MAP1B: variants seen among roughly 807,000 people sequenced by gnomAD.
MAP1B encodes the protein microtubule associated protein 1B.
In MAP1B, 12 loss-of-function variants were observed where a neutral mutation model predicts 176.1. That is an observed-to-expected ratio of 0.07 (90% CI 0.04 to 0.11). MAP1B has a LOEUF of 0.11. Among genes scored for constraint, MAP1B ranks in the 10% least tolerant of loss-of-function variants. The probability of loss-of-function intolerance (pLI) is 1.00; values close to 1 mark genes in which losing one functional copy is unlikely to be tolerated. For synonymous variants in MAP1B, 1,044 were observed against 1,135.0 expected (o/e 0.92, Z 1.61); for missense variants, 2,523 against 2,990.5 (o/e 0.84, Z 3.65).
intron 2 of MAP1B, among the ~76,000 whole-genome samples, chr5:72,178,267 TC>T (rs1163702760): frequency 2.0e-5 from 3 of 152,150 alleles, no homozygotes; most frequent in African/African-American, 7.2e-5. Context: ...CCTCCCAAAG[TC>T]CTGGGATTAC....
Position 72,207,677 on chromosome 5 carries a change from T to C in MAP1B, c.*2438T>C, listed in dbSNP as rs1747480746. On this transcript the variant is annotated 3_prime_UTR_variant, in exon 7 of 7. Transcript: ENST00000296755. ...ACTCATCTACTTCAAATTTATTTTATAACACAACCTAAGATACTCAAGATA... is the reference window on the plus strand; with the variant it reads ...ACTCATCTACTTCAAATTTATTTTACAACACAACCTAAGATACTCAAGATA... 6.6e-6 allele frequency: 1 copy of C among 152,172 alleles called. No individual in the cohort carries two copies. The highest frequency in any genetic ancestry group is 2.1e-4 in the South Asian group (1 of 4,834). 9.4% of individuals were successfully genotyped at this position (152,172 alleles called of 1,614,324 possible).
intron 2 of MAP1B, chr5:72,179,773 T>C: frequency 1.0e-6 from 1 of 985,482 alleles, no homozygotes; most frequent in African/African-American, 1.7e-5. Context: ...AAGGCTTTTG[T>C]TGAAGGAGCA....
intron 2 of MAP1B, among the ~76,000 whole-genome samples, chr5:72,127,137 A>G (rs1745644901): frequency 6.6e-6 from 1 of 152,246 alleles, no homozygotes; most frequent in Non-Finnish European, 1.5e-5. Context: ...GAAGGTGTTA[A>G]AAGTCCCAGG....
intron 2 of MAP1B, among the ~76,000 whole-genome samples, chr5:72,130,383 T>C (rs1745707000): frequency 6.6e-6 from 1 of 152,202 alleles, no homozygotes; most frequent in Admixed American, 6.5e-5. Context: ...TGGCCCTTGA[T>C]AAAGAGCCTT....
At chr5:72,123,053 G>A (rs1375638044) in intron 2 of MAP1B, among the ~76,000 whole-genome samples, 1 of 152,126 alleles carries the variant, frequency 6.6e-6, no homozygotes, top group Non-Finnish European at 1.5e-5. Flanking sequence ...GGGGCAGTTT[G>A]TTCAGCACCT....
rs778017743 is a variant in MAP1B, at chr5:72,195,596, T to G, written c.2241T>G (p.Ser747=). 235 of 1,614,034 alleles carry G rather than the reference T, an allele frequency of 1.5e-4. No homozygotes were observed. Among genetic ancestry groups the G allele is most frequent in the Non-Finnish European group, 1.9e-4 (223 of 1,180,036 alleles). ...KDAKKSSTPL[S]EAKKPAALKP... is the part of the protein sequence containing the mutation. ...CAAAGAAATCATCTACTCCTCTGTC[T>G]GAAGCAAAAAAACCAGCTGCTTTAA... Residue 747 remains serine (S), a synonymous_variant, in exon 5 of 7, where the codon TCT becomes TCG. Transcript: ENST00000296755.
rs35796057 is a variant in MAP1B at position 72,196,239 on chromosome 5, G to A, written c.2884G>A (p.Val962Ile). The A allele has an allele frequency of 5.6e-4, 903 of 1,613,844 alleles. 4 individuals are homozygous for A. The African/African-American group carries it at 9.4e-3, about 17-fold the overall frequency. Residue 962 changes from valine to isoleucine, a missense_variant, in exon 5 of 7, where the codon GTA becomes ATA. By Grantham distance (29) the Val-to-Ile change is conservative. This residue lies in a region of MAP1B where 1,925 missense variants were observed against 2,126.0 expected (regional missense o/e 0.91). Transcript: ENST00000296755. This position sits in a 1 kb window ranked among gnomAD's most constrained non-coding sequence, Gnocchi z 5.3. ...GCCAGAAGAGGATGGGGAGGAACAC[G>A]TATGTGTGAGCGCCTCCAAGCACAG... ...EEPEEDGEEH[V>I]CVSASKHSPT...
chr5:72,195,430 A>T lies in MAP1B; in HGVS notation c.2075A>T (p.Glu692Val). ...GTCAAAAAAGAGATCAAGAAAGAAG[A>T]GAAAAAAGAACCCAAGAAAGAGGTT... ...KEVKKEIKKEEKKEPKKEVKK... is the reference protein window; with the variant it reads ...KEVKKEIKKEVKKEPKKEVKK... Residue 692 changes from glutamate to valine, a missense_variant, in exon 5 of 7, where the codon GAG becomes GTG. By Grantham distance (121) the Glu-to-Val change is moderately radical. Transcript: ENST00000296755. 6.4e-7 allele frequency: 1 copy of T among 1,566,150 alleles called. No homozygotes were observed. The highest frequency in any genetic ancestry group is 8.6e-7 in the Non-Finnish European group (1 of 1,159,200).
intron 2 of MAP1B, among the ~76,000 whole-genome samples, chr5:72,126,733 T>C (rs1745639783): frequency 1.3e-5 from 2 of 152,238 alleles, no homozygotes; most frequent in Admixed American, 1.3e-4. Context: ...AAGAATTTCA[T>C]TTAGAAAAAA....
At chr5:72,168,938 C>T (rs1435291857) in intron 2 of MAP1B, among the ~76,000 whole-genome samples, 1 of 152,174 alleles carries the variant, frequency 6.6e-6, no homozygotes, top group Admixed American at 6.5e-5. Flanking sequence ...TGGTTTACTA[C>T]ATCACATTTT....
intron 2 of MAP1B, among the ~76,000 whole-genome samples, chr5:72,169,788 T>C (rs1215277916): frequency 1.3e-5 from 2 of 152,212 alleles, no homozygotes; most frequent in African/African-American, 2.4e-5. Flanking sequence ...AAATACTATG[T>C]ACATCCTCTA....
Position 72,194,645 on chromosome 5 carries a change from C to A in MAP1B, c.1290C>A (p.Ser430Arg). Reference protein sequence around the residue: ...LEMYVLNPVKSSKEMQYFMQQ... With the variant: ...LEMYVLNPVKRSKEMQYFMQQ... ...TGTATGTGCTTAATCCAGTCAAGAG[C>A]AGCAAGGAAATGCAGTATTTTATGC... The change falls in exon 5 of 7, where the codon AGC (serine) becomes AGA (arginine). Residue 430 changes from serine (S) to arginine (R), a missense_variant. Physicochemically the swap from Ser to Arg is moderately radical, Grantham distance 110. Coordinates refer to ENST00000296755, the MANE Select transcript of MAP1B (RefSeq NM_005909.5). The surrounding 1 kb of genome is among the most constrained non-coding windows in gnomAD (Gnocchi z 7.2). 6.2e-7 allele frequency: 1 copy of A among 1,614,128 alleles called. No individual in the cohort carries two copies. Among genetic ancestry groups the A allele is most frequent in the East Asian group, 2.2e-5 (1 of 44,884 alleles).
At chr5:72,187,547 G>A (rs988398190) in intron 4 of MAP1B, among the ~76,000 whole-genome samples, 6 of 152,156 alleles carry the variant, frequency 3.9e-5, no homozygotes, top group African/African-American at 1.4e-4. Context: ...GGGCCTGCCT[G>A]TGGCCGATAG....
intron 2 of MAP1B, among the ~76,000 whole-genome samples, chr5:72,143,859 T>A (rs1258025607): frequency 6.6e-6 from 1 of 151,870 alleles, no homozygotes; most frequent in African/African-American, 2.4e-5. Context: ...GCTAATTTAT[T>A]TATTTTTTTT....
intron 2 of MAP1B, among the ~76,000 whole-genome samples, chr5:72,159,665 C>T (rs1746293961): frequency 1.3e-5 from 2 of 152,100 alleles, no homozygotes; most frequent in East Asian, 1.9e-4. Context: ...AAAACATTGG[C>T]GTTGATAGAT....
chr5:72,182,270 C>G (rs1459957158), intron 2 of MAP1B, among the ~76,000 whole-genome samples: 1 of 152,160 alleles, frequency 6.6e-6, no homozygotes, highest in Non-Finnish European at 1.5e-5. Context: ...ACCTTCTAAT[C>G]TACTCTCTAA....
chr5:72,109,066 A>C (rs1745246684), intron 1 of MAP1B, among the ~76,000 whole-genome samples: 1 of 152,128 alleles, frequency 6.6e-6, no homozygotes. Context: ...TCCCCAATAA[A>C]AGACGAAAGA....
chr5:72,137,102 A>T (rs1406522740), intron 2 of MAP1B, among the ~76,000 whole-genome samples: 1 of 152,214 alleles, frequency 6.6e-6, no homozygotes, highest in Non-Finnish European at 1.5e-5. Flanking sequence ...CTGAGTAATA[A>T]TTCACAGTAC....
At chr5:72,132,681 T>A (rs1745755582) in intron 2 of MAP1B, among the ~76,000 whole-genome samples, 1 of 152,198 alleles carries the variant, frequency 6.6e-6, no homozygotes, top group South Asian at 2.1e-4. Context: ...GCCCACCCTG[T>A]TTTTATTGTT....
Sources: gnomAD v4.1 joint callset for allele counts (sites outside exome capture counted in the v4.1 genomes callset) on GRCh38, gnomAD v4.1.1 for gene constraint, gnomAD v4.1.1 regional missense constraint, Gnocchi (gnomAD v3.1) non-coding constraint, MANE v1.5 for transcripts, NCBI Gene and HGNC (gene_info 2026-07-23, HGNC 2026-07-21) for gene names.